ENPEP: variants seen among roughly 807,000 people sequenced by gnomAD.
ENPEP encodes glutamyl aminopeptidase, also known as AP-A.
A neutral mutation model predicts 114.5 loss-of-function variants in ENPEP; 103 were observed. That is an observed-to-expected ratio of 0.90 (90% CI 0.77 to 1.06). The LOEUF is 1.06. Among genes scored for constraint, ENPEP ranks in the 50% least tolerant of loss-of-function variants. The pLI is 0.00. For synonymous variants in ENPEP, 420 were observed against 422.0 expected, an observed-to-expected ratio of 1.00 and a Z score of 0.06; for missense variants, 1,196 against 1,161.3, an observed-to-expected ratio of 1.03 and a Z score of -0.43.
At chr4:110,546,825 C>T (rs1172036763) in intron 13 of ENPEP, among the ~76,000 whole-genome samples, 1 of 152,046 alleles carries the variant, frequency 6.6e-6, no homozygotes, top group Admixed American at 6.6e-5. Context: ...TGCAAAATGA[C>T]TGTTTTAAGC....
chr4:110,562,413 A>G lies in ENPEP; in HGVS notation c.*855A>G, dbSNP rs1056355. 0.13 allele frequency: 20,088 copies of G among 152,110 alleles called. 1,723 individuals carry two copies. The highest frequency in any genetic ancestry group is 0.24 in the African/African-American group (9,854 of 41,486). 9.4% of individuals were successfully genotyped at this position (152,110 alleles called of 1,614,324 possible). The stretch of plus-strand genomic sequence containing the variant: ...CATAGTGCTTAACTCTGCTCCATGG[A>G]TTTTAGAGGAAAAAAGCTAAATAAT... On this transcript the variant is annotated 3_prime_UTR_variant, in exon 20 of 20. Transcript: ENST00000265162.
At chr4:110,505,677 A>G (rs1440739166) in intron 3 of ENPEP, among the ~76,000 whole-genome samples, 1 of 152,206 alleles carries the variant, frequency 6.6e-6, no homozygotes, top group Non-Finnish European at 1.5e-5. Flanking sequence ...AACTTACTAA[A>G]TGATTACATC....
Position 110,561,144 on chromosome 4 carries a change from C to T in ENPEP, c.2722-262C>T, listed in dbSNP as rs538260871. ...GCAGAAACAGAAATGGGCATGCTAG[C>T]GACTGACATGCTGCCATCCTTCTCC... On this transcript the variant is annotated intron_variant, in intron 19 of 19. Coordinates refer to ENST00000265162, the MANE Select transcript of ENPEP (RefSeq NM_001977.4). Among the ~76,000 whole-genome samples the T allele has an allele frequency of 2.6e-5, 4 of 152,226 alleles. No homozygotes were observed. In the South Asian group the frequency reaches 8.3e-4, roughly 32 times the overall value.
At chr4:110,495,646 A>G (rs772088006) in intron 3 of ENPEP, among the ~76,000 whole-genome samples, 1 of 152,130 alleles carries the variant, frequency 6.6e-6, no homozygotes, top group Non-Finnish European at 1.5e-5. Context: ...GCTTGAACCC[A>G]GGAGGCAGAG....
chr4:110,496,309 A>AT (rs764382093), intron 3 of ENPEP, among the ~76,000 whole-genome samples: 118 of 152,248 alleles, frequency 7.8e-4, no homozygotes, highest in Non-Finnish European at 1.3e-3. Flanking sequence ...AAATAATCTT[A>AT]TTTTTTAAGT....
chr4:110,558,728 G>A (rs1727578387), intron 18 of ENPEP, among the ~76,000 whole-genome samples: 1 of 152,156 alleles, frequency 6.6e-6, no homozygotes, highest in Non-Finnish European at 1.5e-5. Context: ...GTTGTGATGA[G>A]ATTTTTTTTA....
intron 3 of ENPEP, among the ~76,000 whole-genome samples, chr4:110,501,890 T>C (rs1725170393): frequency 6.6e-6 from 1 of 152,224 alleles, no homozygotes; most frequent in Admixed American, 6.5e-5. Context: ...ATAAACTAAT[T>C]TGCATTCCCA....
intron 8 of ENPEP, chr4:110,515,674 G>A: frequency 1.7e-6 from 1 of 588,232 alleles, no homozygotes; most frequent in South Asian, 1.6e-5. Flanking sequence ...AGATTACTTA[G>A]TTATTTTTGA....
At chr4:110,515,820 C>G in intron 8 of ENPEP, 1 of 457,124 alleles carries the variant, frequency 2.2e-6, no homozygotes, top group Non-Finnish European at 4.4e-6. Context: ...CTGGCTGATT[C>G]CGTTTCTGGT....
intron 11 of ENPEP, among the ~76,000 whole-genome samples, chr4:110,536,574 T>G (rs72894223): frequency 0.019 from 2,820 of 152,330 alleles, 107 homozygotes; most frequent in African/African-American, 0.064. Flanking sequence ...AAAAGGGAAC[T>G]GTGTGGTAAA....
chr4:110,484,946 C>T (rs1724451819), intron 1 of ENPEP, among the ~76,000 whole-genome samples: 1 of 151,990 alleles, frequency 6.6e-6, no homozygotes, highest in South Asian at 2.1e-4. Flanking sequence ...CACACACACT[C>T]ATCTTCTCAA....
chr4:110,542,604 G>T, intron 11 of ENPEP, 147 bp from the exon 12 acceptor site: 1 of 652,098 alleles, frequency 1.5e-6, no homozygotes. Flanking sequence ...GTAAAAATTA[G>T]GCTTTGGGTT....
At chr4:110,548,139 G>GTTTTTTTTTTTTTTTTTTTTTTTTT (rs3042468) in intron 13 of ENPEP, 37 bp from the exon 14 acceptor site, 13 of 692,122 alleles carry the variant, frequency 1.9e-5, no homozygotes, top group African/African-American at 4.9e-5. Context: ...TTAACTGTGA[G>GTTTTTTTTTTTTTTTTTTTTTTTTT]TTTTTTTTTT....
chr4:110,534,697 T>A (rs1268887770), intron 11 of ENPEP, among the ~76,000 whole-genome samples: 2 of 151,482 alleles, frequency 1.3e-5, no homozygotes, highest in African/African-American at 2.4e-5. Flanking sequence ...TTAGTAAGGA[T>A]GGGGTTTCAC....
intron 3 of ENPEP, among the ~76,000 whole-genome samples, chr4:110,501,291 G>A (rs7673931): frequency 6.6e-6 from 1 of 151,858 alleles, no homozygotes; most frequent in African/African-American, 2.4e-5. Flanking sequence ...TCTTTTTTAA[G>A]CTTTTATTTT....
chr4:110,486,806 T>C (rs1724520207), intron 1 of ENPEP, among the ~76,000 whole-genome samples: 1 of 152,112 alleles, frequency 6.6e-6, no homozygotes, highest in Admixed American at 6.5e-5. Flanking sequence ...ATGGGGGGAA[T>C]TGAAATGGAG....
intron 3 of ENPEP, among the ~76,000 whole-genome samples, chr4:110,499,418 G>A (rs551732521): frequency 8.5e-5 from 13 of 152,234 alleles, no homozygotes; most frequent in African/African-American, 2.2e-4. Context: ...GAACTCTAGC[G>A]TCGGTCCTGT....
chr4:110,538,380 C>T (rs553318932), intron 11 of ENPEP, among the ~76,000 whole-genome samples: 115 of 152,312 alleles, frequency 7.6e-4, no homozygotes, highest in Non-Finnish European at 8.8e-5. Context: ...TTTCCTTAAA[C>T]CTCAAGAACC....
intron 1 of ENPEP, among the ~76,000 whole-genome samples, chr4:110,482,556 T>A (rs1489882894): frequency 6.6e-6 from 1 of 152,108 alleles, no homozygotes; most frequent in Non-Finnish European, 1.5e-5. Context: ...CATCATTAAG[T>A]GTGTGTGTGT....
Sources: gnomAD v4.1 joint callset for allele counts (sites outside exome capture counted in the v4.1 genomes callset) on GRCh38, gnomAD v4.1.1 for gene constraint, MANE v1.5 for transcripts, NCBI Gene and HGNC (gene_info 2026-07-23, HGNC 2026-07-21) for gene names.